The following SMOC2 variants were observed in gnomAD, a reference collection of about 807,000 sequenced individuals.
The protein encoded by SMOC2 is SPARC-related modular calcium-binding protein 2.
Under a neutral mutation model 61.4 loss-of-function variants are expected in SMOC2, and 39 were observed. The ratio of observed to expected loss-of-function variants is 0.64; its 90% CI spans 0.49 to 0.83. SMOC2 has a LOEUF of 0.83. Among genes scored for constraint, SMOC2 ranks in the 40% least tolerant of loss-of-function variants. The probability of loss-of-function intolerance (pLI) is 0.00; values close to 1 mark genes in which losing one functional copy is unlikely to be tolerated. For synonymous variants in SMOC2, 247 were observed against 239.9 expected (o/e 1.03, Z -0.27); for missense variants, 556 against 592.9 (o/e 0.94, Z 0.65).
intron 9 of SMOC2, among the ~76,000 whole-genome samples, chr6:168,650,399 G>A (rs928479423): frequency 1.3e-5 from 2 of 152,180 alleles, no homozygotes. Context: ...CGCTGGATGA[G>A]TGACACTGCC....
intron 9 of SMOC2, among the ~76,000 whole-genome samples, chr6:168,618,474 G>C (rs937901903): frequency 6.7e-6 from 1 of 150,224 alleles, no homozygotes; most frequent in African/African-American, 2.5e-5. Context: ...GAGGAGAGGC[G>C]GGTAGTGGCA....
chr6:168,451,035 G>C (rs144853715), intron 1 of SMOC2, among the ~76,000 whole-genome samples: 23 of 152,288 alleles, frequency 1.5e-4, no homozygotes, highest in African/African-American at 5.5e-4. Context: ...TTCTTCCCGT[G>C]AATGGGTTGG....
intron 2 of SMOC2, among the ~76,000 whole-genome samples, chr6:168,524,438 A>G (rs1329069201): frequency 1.3e-5 from 2 of 152,232 alleles, no homozygotes; most frequent in Non-Finnish European, 2.9e-5. Context: ...TTTCAGAACT[A>G]TCTGACCAGT....
chr6:168,621,897 G>A (rs1036875472), intron 9 of SMOC2, among the ~76,000 whole-genome samples: 1 of 152,110 alleles, frequency 6.6e-6, no homozygotes, highest in Non-Finnish European at 1.5e-5. Context: ...CGTTACACAG[G>A]GGTAAAATTG....
chr6:168,666,158 A>G (rs562589030), intron 12 of SMOC2, among the ~76,000 whole-genome samples: 5 of 152,354 alleles, frequency 3.3e-5, no homozygotes, highest in African/African-American at 1.2e-4. Context: ...TAATGTATTT[A>G]GTACTTAGAA....
intron 1 of SMOC2, among the ~76,000 whole-genome samples, chr6:168,451,593 GTCTCTGTCTCTC>G (rs1781464615): frequency 1.5e-4 from 14 of 94,058 alleles, no homozygotes; most frequent in African/African-American, 6.0e-4. Flanking sequence ...GTCTCTCTCT[GTCTCTGTCTCTC>G]TCTCTCTCTC....
rs1316691661 is a variant in SMOC2 at position 168,667,954 on chromosome 6, A to G, written c.*1516A>G. The G allele has an allele frequency of 1.3e-5, 2 of 152,098 alleles. No individual in the cohort carries two copies. The highest frequency in any genetic ancestry group is 4.8e-5 in the African/African-American group (2 of 41,392). 9.4% of individuals were successfully genotyped at this position (152,098 alleles called of 1,614,324 possible). ...ATATTTCTGACCTTTGAATTTAATC[A>G]TTGTTCTTAGATTAAAATAAAATAT... is the stretch of plus-strand genomic sequence containing the variant. On this transcript the variant is annotated 3_prime_UTR_variant, in exon 13 of 13. Transcript: ENST00000356284.
chr6:168,576,791 C>T (rs1271568120), intron 7 of SMOC2, among the ~76,000 whole-genome samples: 2 of 152,028 alleles, frequency 1.3e-5, no homozygotes, highest in Non-Finnish European at 2.9e-5. Flanking sequence ...TCAGGGATCA[C>T]CCGTCAGAGA....
intron 11 of SMOC2, among the ~76,000 whole-genome samples, chr6:168,659,640 G>A (rs1387797270): frequency 3.2e-3 from 481 of 150,358 alleles, no homozygotes; most frequent in Middle Eastern, 3.5e-3. Flanking sequence ...GGAGGTTGTA[G>A]GTTGGGTGAG....
intron 2 of SMOC2, among the ~76,000 whole-genome samples, chr6:168,517,078 T>C (rs1177177241): frequency 6.6e-6 from 1 of 152,158 alleles, no homozygotes. Flanking sequence ...AATCTAACTG[T>C]TGGTTTTGGG....
At chr6:168,549,535 G>A (rs922920207) in intron 7 of SMOC2, among the ~76,000 whole-genome samples, 5 of 152,138 alleles carry the variant, frequency 3.3e-5, no homozygotes, top group African/African-American at 9.7e-5. Flanking sequence ...TTGATTACAT[G>A]GAAGTGGATC....
At chr6:168,597,967 A>G (rs1785373863) in intron 7 of SMOC2, among the ~76,000 whole-genome samples, 1 of 152,270 alleles carries the variant, frequency 6.6e-6, no homozygotes, top group South Asian at 2.1e-4. Flanking sequence ...TTTATTAACA[A>G]AAAGAGACCA....
intron 1 of SMOC2, among the ~76,000 whole-genome samples, chr6:168,446,004 TATTAAG>T (rs1289808240): frequency 1.3e-5 from 2 of 152,226 alleles, no homozygotes; most frequent in Non-Finnish European, 2.9e-5. Context: ...TGGGGATTGT[TATTAAG>T]ATTGTCAGCA....
intron 9 of SMOC2, among the ~76,000 whole-genome samples, chr6:168,635,945 T>A (rs1189024782): frequency 1.3e-5 from 2 of 151,968 alleles, no homozygotes; most frequent in Admixed American, 1.3e-4. Context: ...TCACTTCAGA[T>A]CATTCCAGGA....
intron 7 of SMOC2, among the ~76,000 whole-genome samples, chr6:168,578,811 A>T (rs1399059491): frequency 6.6e-6 from 1 of 152,232 alleles, no homozygotes; most frequent in Non-Finnish European, 1.5e-5. Flanking sequence ...AGTTTGGGGC[A>T]TGACAGTCCA....
At chr6:168,656,932 C>G (rs1230347460) in intron 11 of SMOC2, among the ~76,000 whole-genome samples, 1 of 152,242 alleles carries the variant, frequency 6.6e-6, no homozygotes, top group Non-Finnish European at 1.5e-5. Context: ...GAGGCTGCCC[C>G]CTGTGCTGGC....
At chr6:168,599,636 ACACCCACACACAC>A (rs1785475450) in intron 8 of SMOC2, among the ~76,000 whole-genome samples, 1 of 39,220 alleles carries the variant, frequency 2.5e-5, no homozygotes, top group Non-Finnish European at 5.1e-5. Flanking sequence ...ACACACACCC[ACACCCACACACAC>A]TCATACCCAC....
At chr6:168,494,296 A>T (rs1782539515) in intron 1 of SMOC2, among the ~76,000 whole-genome samples, 1 of 152,210 alleles carries the variant, frequency 6.6e-6, no homozygotes, top group Non-Finnish European at 1.5e-5. Context: ...CAGGTAGTTC[A>T]GTGGTAGGGC....
intron 4 of SMOC2, among the ~76,000 whole-genome samples, chr6:168,528,877 A>T (rs183715619): frequency 2.6e-4 from 40 of 152,332 alleles, no homozygotes; most frequent in African/African-American, 8.7e-4. Flanking sequence ...CATCACCAAG[A>T]TTAACTGGGT....
Sources: gnomAD v4.1 joint callset for allele counts (sites outside exome capture counted in the v4.1 genomes callset) on GRCh38, gnomAD v4.1.1 for gene constraint, MANE v1.5 for transcripts, NCBI Gene and HGNC (gene_info 2026-07-23, HGNC 2026-07-21) for gene names.